The following TBCD variants were observed in gnomAD, a reference collection of about 807,000 sequenced individuals.
TBCD encodes the protein tubulin folding cofactor D, also known as tubulin-specific chaperone D.
A neutral mutation model predicts 169.3 loss-of-function variants in TBCD; 105 were observed. The observed-to-expected ratio is 0.62, with a 90% CI of 0.53 to 0.73. The LOEUF (loss-of-function observed/expected upper bound fraction) is 0.73. TBCD is among the 30% of genes least tolerant of loss of function. TBCD has a pLI of 0.00. For synonymous variants in TBCD, 700 were observed against 643.9 expected (o/e 1.09, Z -1.32); for missense variants, 1,444 against 1,600.1 (o/e 0.90, Z 1.66).
chr17:82,863,380 C>T lies in TBCD; in HGVS notation c.1319-6844C>T, dbSNP rs2056925803. ...GGCCAAGCGGTGTCTGTACAGGACCCTTCAGTGATGAGGGTGGCCAGGCTC... is the reference window on the plus strand; with the variant it reads ...GGCCAAGCGGTGTCTGTACAGGACCTTTCAGTGATGAGGGTGGCCAGGCTC... On this transcript the variant is annotated intron_variant, in intron 13 of 38. Transcript: ENST00000355528. Among the ~76,000 whole-genome samples, 3 of 152,322 alleles carry T rather than the reference C, an allele frequency of 2.0e-5. No homozygotes were observed. In the South Asian group the frequency reaches 6.2e-4, roughly 32 times the overall value.
chr17:82,821,597 G>A (rs2052419863), intron 13 of TBCD, among the ~76,000 whole-genome samples: 1 of 152,138 alleles, frequency 6.6e-6, no homozygotes, highest in Non-Finnish European at 1.5e-5. Context: ...TTCAGGCTGG[G>A]GTCCTTCACT....
In TBCD at chr17:82,900,031, C is replaced by T. The variant is rs1049517473; in HGVS notation, c.1650-620C>T. Among the ~76,000 whole-genome samples the T allele has an allele frequency of 2.6e-5, 4 of 152,192 alleles. No homozygotes were observed. The East Asian group carries it at 5.8e-4, about 22-fold the overall frequency. On this transcript the variant is annotated intron_variant, in intron 17 of 38. Transcript: ENST00000355528. Reference sequence around the variant, plus strand: ...TCTTAAAAGTTTTTAACAGCTTTGCCGAGGTATAATGGGCATATGTTAGCT... The same window carrying T: ...TCTTAAAAGTTTTTAACAGCTTTGCTGAGGTATAATGGGCATATGTTAGCT...
At chr17:82,842,643 T>G (rs2054618038) in intron 13 of TBCD, among the ~76,000 whole-genome samples, 1 of 152,192 alleles carries the variant, frequency 6.6e-6, no homozygotes, top group Non-Finnish European at 1.5e-5. Context: ...CAAGAGAGAT[T>G]TTTTTGGAGG....
intron 13 of TBCD, among the ~76,000 whole-genome samples, chr17:82,827,610 A>G (rs1207060698): frequency 1.3e-5 from 2 of 152,138 alleles, no homozygotes; most frequent in African/African-American, 2.4e-5. Context: ...AGAAGTGCAT[A>G]CACACGTGTA....
intron 13 of TBCD, chr17:82,838,746 G>T (rs1226459044): frequency 6.1e-6 from 6 of 985,276 alleles, no homozygotes; most frequent in African/African-American, 5.2e-5. Flanking sequence ...CAGTCTTTGG[G>T]AATGTAATTT....
chr17:82,933,517 A>G (rs6502018), intron 34 of TBCD, among the ~76,000 whole-genome samples: 108,881 of 151,644 alleles, frequency 0.72, 39,461 homozygotes, highest in South Asian at 0.85. Flanking sequence ...CTAAAGTGCT[A>G]GGATTACAGG....
rs750557531 is a variant in TBCD at position 82,938,118 on chromosome 17, C to T, written c.3351C>T (p.Leu1117=). 5 of 1,612,506 alleles carry T rather than the reference C, an allele frequency of 3.1e-6. No individual in the cohort carries two copies. In the South Asian group the frequency reaches 4.4e-5, roughly 14 times the overall value. ...CCCTCCTGCAGCTGTGTCTGCTCCT[C>T]TGCCACCGTTTCCCGCTGGTGAGTG... The part of the protein sequence containing the change: ...RQALLQLCLL[L]CHRFPLIRKT... The change falls in exon 36 of 39, where the codon CTC becomes CTT. Residue 1117 remains leucine (L), a synonymous_variant. Transcript: ENST00000355528.
chr17:82,930,789 G>A lies in TBCD; in HGVS notation c.3113+146G>A, dbSNP rs553679887. The A allele has an allele frequency of 2.3e-5, 31 of 1,321,414 alleles. No homozygotes were observed. Among genetic ancestry groups the A allele is most frequent in the East Asian group, 1.2e-4 (5 of 41,188 alleles). The allele number at this position is 1,321,414 out of a possible 1,614,324, so 81.9% of individuals were successfully genotyped here. A position where few individuals can be genotyped will look rare whatever the true frequency, so the allele number is the denominator to read the frequency against. Reference sequence around the variant, plus strand: ...ACGCTGTACCAGTTGGTGGCTCAGCGAGGAAGATGTGCCTGCAGCATATGG... The same window carrying A: ...ACGCTGTACCAGTTGGTGGCTCAGCAAGGAAGATGTGCCTGCAGCATATGG... On this transcript the variant is annotated intron_variant, in intron 33 of 38. Coordinates refer to ENST00000355528, the MANE Select transcript of TBCD (RefSeq NM_005993.5). The surrounding 1 kb of genome is among the most constrained non-coding windows in gnomAD (Gnocchi z 5.2).
In TBCD at chr17:82,832,365, A is replaced by G. The variant is rs760879014; in HGVS notation, c.1318+17431A>G. On this transcript the variant is annotated intron_variant, in intron 13 of 38. Transcript: ENST00000355528. This position sits in a 1 kb window ranked among gnomAD's most constrained non-coding sequence, Gnocchi z 4.9. Reference sequence around the variant, plus strand: ...GTGACTTCTCATTGCAAGTAAAGGGACATTGGAAACATTTATACTTGAAGG... The same window carrying G: ...GTGACTTCTCATTGCAAGTAAAGGGGCATTGGAAACATTTATACTTGAAGG... 1.4e-5 allele frequency: 23 copies of G among 1,614,090 alleles called. No individual in the cohort carries two copies. The Admixed American group carries it at 3.3e-4, about 23-fold the overall frequency.
chr17:82,866,770 A>G (rs1338462542), intron 13 of TBCD, among the ~76,000 whole-genome samples: 1 of 152,222 alleles, frequency 6.6e-6, no homozygotes, highest in African/African-American at 2.4e-5. Flanking sequence ...GAGCACAGGG[A>G]GGACAGCTGG....
At chr17:82,805,800 CACTGAATG>C in intron 9 of TBCD, 67 bp from the exon 10 acceptor site, 1 of 1,507,340 alleles carries the variant, frequency 6.6e-7, no homozygotes, top group East Asian at 2.3e-5. Context: ...TTCAAAGTGA[CACTGAATG>C]ACTGGTTCCA....
intron 37 of TBCD, among the ~76,000 whole-genome samples, chr17:82,940,285 A>ATCAGGACTGAAGCAACCAGAG (rs2063063065): frequency 6.6e-6 from 1 of 151,696 alleles, no homozygotes. Context: ...CGTGTTGGAG[A>ATCAGGACTGAAGCAACCAGAG]TCAGGACTGA....
intron 6 of TBCD, among the ~76,000 whole-genome samples, chr17:82,780,644 G>GGTTT (rs2048884112): frequency 2.5e-5 from 1 of 40,636 alleles, no homozygotes; most frequent in Non-Finnish European, 4.4e-5. Context: ...GAAGACTTGG[G>GGTTT]CTTTTTTTTT....
chr17:82,824,312 G>T (rs1015345267), intron 13 of TBCD, among the ~76,000 whole-genome samples: 1 of 151,732 alleles, frequency 6.6e-6, no homozygotes, highest in Non-Finnish European at 1.5e-5. Context: ...CTCCTGAGTA[G>T]CTGGGACTAC....
chr17:82,935,855 G>T (rs1428623484), intron 34 of TBCD, among the ~76,000 whole-genome samples: 1 of 152,206 alleles, frequency 6.6e-6, no homozygotes, highest in Non-Finnish European at 1.5e-5. Flanking sequence ...CCCCATCGGG[G>T]TTCACATTCC....
At chr17:82,887,873 T>C (rs1284827525) in intron 15 of TBCD, among the ~76,000 whole-genome samples, 1 of 152,210 alleles carries the variant, frequency 6.6e-6, no homozygotes, top group Admixed American at 6.5e-5. Context: ...CGGGCTTACT[T>C]GCCGTCTGTA....
chr17:82,854,317 G>A (rs12937095), intron 13 of TBCD, among the ~76,000 whole-genome samples: 30,781 of 152,122 alleles, frequency 0.2, 3,318 homozygotes, highest in Admixed American at 0.25. Context: ...GATCCTCCCA[G>A]CCCCCTTCAG....
In TBCD at chr17:82,887,168, T is replaced by TGTGTGTGC; in HGVS notation, c.1534-2499_1534-2498insTGTGTGCG. On this transcript the variant is annotated intron_variant, in intron 15 of 38. Transcript: ENST00000355528. ...GTGTGTGTGTGTGTGTGTGTGTGTG[T>TGTGTGTGC]GCGCGCGCGCGCACGTGCGCTCACG... Among the ~76,000 whole-genome samples the TGTGTGTGC allele has an allele frequency of 3.1e-3, 385 of 126,168 alleles. 3 individuals are homozygous for TGTGTGTGC. The highest frequency in any genetic ancestry group is 4.9e-3 in the East Asian group (22 of 4,506). 82.8% of individuals were successfully genotyped at this position (126,168 alleles called of 152,430 possible).
intron 14 of TBCD, among the ~76,000 whole-genome samples, chr17:82,883,361 A>G (rs1402603425): frequency 6.6e-6 from 1 of 152,242 alleles, no homozygotes; most frequent in African/African-American, 2.4e-5. Flanking sequence ...ATTGTCCTCC[A>G]CCCTGCCCCA....
Sources: gnomAD v4.1 joint callset for allele counts (sites outside exome capture counted in the v4.1 genomes callset) on GRCh38, gnomAD v4.1.1 for gene constraint, Gnocchi (gnomAD v3.1) non-coding constraint, MANE v1.5 for transcripts, NCBI Gene and HGNC (gene_info 2026-07-23, HGNC 2026-07-21) for gene names.